The following AP3M1 variants were observed in gnomAD, a reference collection of about 807,000 sequenced individuals.
AP3M1 encodes AP-3 complex subunit mu-1.
In AP3M1, 29 loss-of-function variants were observed where a neutral mutation model predicts 42.6. The ratio of observed to expected loss-of-function variants is 0.68; its 90% CI spans 0.51 to 0.93. The LOEUF is 0.93. Among genes scored for constraint, AP3M1 ranks in the 40% least tolerant of loss-of-function variants. The probability of loss-of-function intolerance (pLI) is 0.00; values close to 1 mark genes in which losing one functional copy is unlikely to be tolerated. For missense variants in AP3M1, 416 were observed against 510.2 expected (o/e 0.82, Z 1.78); for synonymous variants, 178 against 175.3 (o/e 1.02, Z -0.12).
chr10:74,134,831 T>C (rs551642567), intron 3 of AP3M1, among the ~76,000 whole-genome samples: 1 of 152,100 alleles, frequency 6.6e-6, no homozygotes, highest in Non-Finnish European at 1.5e-5. Flanking sequence ...AAAGGTAGAG[T>C]TCAGAGAAGT....
chr10:74,146,357 C>T (rs1488741740), intron 1 of AP3M1, among the ~76,000 whole-genome samples: 1 of 152,118 alleles, frequency 6.6e-6, no homozygotes, highest in African/African-American at 2.4e-5. Flanking sequence ...ATTAATCATG[C>T]AATCCGATTT....
Position 74,136,864 on chromosome 10 carries a change from C to T in AP3M1, c.274-61G>A, listed in dbSNP as rs144470911. On this transcript the variant is annotated intron_variant, in intron 2 of 8. Transcript: ENST00000355264. ...GGCAAAAAGAAAGGCCTGCTAAATA[C>T]TTTTTGTTCTGAAGAATAAACTTAG... is the stretch of plus-strand genomic sequence containing the variant. 4.6e-4 allele frequency: 534 copies of T among 1,166,266 alleles called. 6 individuals carry two copies. The East Asian group carries it at 0.013, about 28-fold the overall frequency. 72.2% of individuals were successfully genotyped at this position (1,166,266 alleles called of 1,614,324 possible).
Position 74,121,698 on chromosome 10 carries a change from G to T in AP3M1, c.*2112C>A, listed in dbSNP as rs1370449627. ...AAGAAAATCTGATCATGTTCACCCT[G>T]CTTTGACAATGAGCCTTGCCCATTG... is the stretch of plus-strand genomic sequence containing the variant. On this transcript the variant is annotated 3_prime_UTR_variant, in exon 9 of 9. Coordinates refer to ENST00000355264, the MANE Select transcript of AP3M1 (RefSeq NM_012095.6). 6.6e-6 allele frequency: 1 copy of T among 152,320 alleles called. No homozygotes were observed. The highest frequency in any genetic ancestry group is 2.4e-5 in the African/African-American group (1 of 41,578). 9.4% of individuals were successfully genotyped at this position (152,320 alleles called of 1,614,324 possible).
intron 1 of AP3M1, among the ~76,000 whole-genome samples, chr10:74,146,847 A>G (rs929779468): frequency 6.6e-6 from 1 of 152,008 alleles, no homozygotes; most frequent in Non-Finnish European, 1.5e-5. Context: ...AGTGGACCTA[A>G]AGAATGACCA....
chr10:74,124,291 G>A (rs903541669), intron 8 of AP3M1, 89 bp downstream of exon 8: 26 of 1,485,054 alleles, frequency 1.8e-5, no homozygotes, highest in Non-Finnish European at 2.1e-5. Flanking sequence ...TCTTTCTAGA[G>A]AAGGAAACTT....
chr10:74,132,474 T>G (rs906078719), intron 4 of AP3M1, among the ~76,000 whole-genome samples: 12 of 151,966 alleles, frequency 7.9e-5, no homozygotes, highest in Non-Finnish European at 1.6e-4. Flanking sequence ...GTAAACTGAT[T>G]GAGCCCAGGA....
chr10:74,142,661 T>C lies in AP3M1; in HGVS notation c.-3-4279A>G, dbSNP rs1193576755. Among the ~76,000 whole-genome samples the C allele has an allele frequency of 2.0e-5, 3 of 152,170 alleles. No homozygotes were observed. The East Asian group carries it at 5.8e-4, about 29-fold the overall frequency. ...AGCAATAAACTCTGACACCTCAGGG[T>C]TGGAACCTGCCAAATTTTTCTACTT... On this transcript the variant is annotated intron_variant, in intron 1 of 8. Coordinates refer to ENST00000355264, the MANE Select transcript of AP3M1 (RefSeq NM_012095.6).
chr10:74,147,241 C>T (rs1351160120), intron 1 of AP3M1, among the ~76,000 whole-genome samples: 1 of 151,994 alleles, frequency 6.6e-6, no homozygotes, highest in Non-Finnish European at 1.5e-5. Context: ...GCCGAGATGG[C>T]GCCACTGCAC....
chr10:74,122,921 A>C lies in AP3M1; in HGVS notation c.*889T>G, dbSNP rs1216936744. 1.3e-5 allele frequency: 2 copies of C among 152,388 alleles called. No individual in the cohort carries two copies. The highest frequency in any genetic ancestry group is 4.8e-5 in the African/African-American group (2 of 41,462). The allele number at this position is 152,388 out of a possible 1,614,324, so 9.4% of individuals were successfully genotyped here. Reference sequence around the variant, plus strand: ...TTAACTGGTGTTGGGTAAGCTTTATATTATAAAACATGAAGATGGCAAAGG... The same window carrying C: ...TTAACTGGTGTTGGGTAAGCTTTATCTTATAAAACATGAAGATGGCAAAGG... On this transcript the variant is annotated 3_prime_UTR_variant, in exon 9 of 9. Coordinates refer to ENST00000355264, the MANE Select transcript of AP3M1 (RefSeq NM_012095.6).
At chr10:74,141,108 T>A (rs1841132699) in intron 1 of AP3M1, among the ~76,000 whole-genome samples, 1 of 152,108 alleles carries the variant, frequency 6.6e-6, no homozygotes, top group Admixed American at 6.5e-5. Context: ...TGAAACCATA[T>A]ATCTTAAAGG....
rs560306775 is a variant in AP3M1, at chr10:74,122,171, A to G, written c.*1639T>C. On this transcript the variant is annotated 3_prime_UTR_variant, in exon 9 of 9. Transcript: ENST00000355264. ...CCAATCTGAGATTAGTTTCTTCAGA[A>G]ATTTGGAAGCTGCAAAACGTTGCCT... The G allele has an allele frequency of 2.0e-4, 30 of 152,356 alleles. No homozygotes were observed. Among genetic ancestry groups the G allele is most frequent in the Non-Finnish European group, 4.0e-4 (27 of 68,028 alleles). The allele number at this position is 152,356 out of a possible 1,614,324, so 9.4% of individuals were successfully genotyped here.
chr10:74,144,107 G>A (rs182925850), intron 1 of AP3M1, among the ~76,000 whole-genome samples: 1 of 151,982 alleles, frequency 6.6e-6, no homozygotes, highest in East Asian at 1.9e-4. Flanking sequence ...GACTACAGGA[G>A]CCCGCCACCA....
intron 1 of AP3M1, among the ~76,000 whole-genome samples, chr10:74,149,288 T>G (rs1841446727): frequency 9.4e-6 from 1 of 105,836 alleles, no homozygotes; most frequent in Non-Finnish European, 1.9e-5. Flanking sequence ...TTTTTTTTTT[T>G]TTTTTTTTTT....
chr10:74,150,822 A>C lies in AP3M1; in HGVS notation c.-71T>G. The C allele has an allele frequency of 5.5e-6, 1 of 182,950 alleles. No homozygotes were observed. Among genetic ancestry groups the C allele is most frequent in the Non-Finnish European group, 1.2e-5 (1 of 84,148 alleles). The allele number at this position is 182,950 out of a possible 1,614,324, so 11.3% of individuals were successfully genotyped here. ...CCTACCGAAGCTGGAGAAGCCGAGA[A>C]GGCCGCGAGGACCCGCAGCTGGAGT... On this transcript the variant is annotated 5_prime_UTR_variant, in exon 1 of 9. Transcript: ENST00000355264.
In AP3M1 at chr10:74,129,909, T is replaced by G; in HGVS notation, c.667A>C (p.Met223Leu). The G allele has an allele frequency of 6.2e-7, 1 of 1,610,312 alleles. No individual in the cohort carries two copies. The highest frequency in any genetic ancestry group is 8.5e-7 in the Non-Finnish European group (1 of 1,177,146). Residue 223 changes from methionine to leucine, a missense_variant and splice_region_variant, in exon 5 of 9, where the codon ATG becomes CTG. Met to Leu is a conservative substitution (Grantham distance 15). Transcript: ENST00000355264. ...SGMPDLSLSFMNPRLLDDVSF... is the reference protein window; with the variant it reads ...SGMPDLSLSFLNPRLLDDVSF... ...TAAAACAGGAGAATAAAACTTACCA[T>G]GAAAGAAAGGGAGAGATCAGGCATT...
At chr10:74,137,445 G>A (rs965655325) in intron 2 of AP3M1, among the ~76,000 whole-genome samples, 1 of 151,902 alleles carries the variant, frequency 6.6e-6, no homozygotes, top group African/African-American at 2.4e-5. Context: ...ATATAGATAA[G>A]CTTAAATTAT....
rs184174465 is a variant in AP3M1 at position 74,136,680 on chromosome 10, A to G, written c.397T>C (p.Leu133=). 6.1e-5 allele frequency: 97 copies of G among 1,597,122 alleles called. No homozygotes were observed. In the African/African-American group the frequency reaches 1.0e-3, roughly 17 times the overall value. The change falls in exon 3 of 9, where the codon TTG becomes CTG. Residue 133 remains leucine (L), a synonymous_variant. Coordinates refer to ENST00000355264, the MANE Select transcript of AP3M1 (RefSeq NM_012095.6). ...LATESNILKE[L]IKPPTILRSV... ...CGTAGAATTGTTGGTGGTTTAATCA[A>G]TTCTTTCAAAATGTTAGATTCGGTA...
intron 1 of AP3M1, among the ~76,000 whole-genome samples, chr10:74,143,717 T>C (rs1407847357): frequency 6.6e-6 from 1 of 152,194 alleles, no homozygotes; most frequent in Non-Finnish European, 1.5e-5. Context: ...GTCAATTACC[T>C]AAGATCACGC....
At chr10:74,125,971 G>T (rs1321993603) in intron 7 of AP3M1, among the ~76,000 whole-genome samples, 177 bp downstream of exon 7, 2 of 152,198 alleles carry the variant, frequency 1.3e-5, no homozygotes, top group Non-Finnish European at 2.9e-5. Flanking sequence ...CTACTCAGTA[G>T]CAGCTGCAGG....
Sources: gnomAD v4.1 joint callset for allele counts (sites outside exome capture counted in the v4.1 genomes callset) on GRCh38, gnomAD v4.1.1 for gene constraint, MANE v1.5 for transcripts, NCBI Gene and HGNC (gene_info 2026-07-23, HGNC 2026-07-21) for gene names.